Variants in ARHGAP25 observed in about 807,000 individuals in gnomAD.
ARHGAP25 encodes the protein Rho GTPase activating protein 25, also known as rho GTPase-activating protein 25.
Under a neutral mutation model 71.0 loss-of-function variants are expected in ARHGAP25, and 34 were observed. That is an observed-to-expected ratio of 0.48 (90% CI 0.36 to 0.64). ARHGAP25 has a LOEUF of 0.64. ARHGAP25 is among the 30% of genes least tolerant of loss of function. The pLI, the probability that ARHGAP25 is intolerant of heterozygous loss-of-function variation, is 0.00. For missense variants in ARHGAP25, 706 were observed against 805.1 expected (o/e 0.88, Z 1.49); for synonymous variants, 282 against 296.5 (o/e 0.95, Z 0.50).
intron 4 of ARHGAP25, among the ~76,000 whole-genome samples, chr2:68,804,673 A>G (rs1248088675): frequency 2.6e-5 from 4 of 152,240 alleles, no homozygotes; most frequent in African/African-American, 9.6e-5. Flanking sequence ...CATTCCATGG[A>G]ACCTGGTGCT....
chr2:68,715,800 A>T (rs1489658838), intron 2 of ARHGAP25, among the ~76,000 whole-genome samples: 1 of 152,154 alleles, frequency 6.6e-6, no homozygotes, highest in East Asian at 1.9e-4. Context: ...AGGCACCCGA[A>T]CACAGTTCCA....
At position 68,787,929 on chromosome 2, in the gene ARHGAP25, A is replaced by G. The variant is rs1319987029; in HGVS notation, c.439A>G (p.Arg147Gly). 2 of 1,614,062 alleles carry G rather than the reference A, an allele frequency of 1.2e-6. No individual in the cohort carries two copies. The highest frequency in any genetic ancestry group is 1.3e-5 in the African/African-American group (1 of 74,924). ...GATGGAGGAGTGGGTTAAATTCCTC[A>G]GGAGAGTTGCTGGCACACCCTGTGG... ...AEMEEWVKFLRRVAGTPCGAV... is the reference protein window; with the variant it reads ...AEMEEWVKFLGRVAGTPCGAV... The change falls in exon 4 of 11, where the codon AGG (arginine) becomes GGG (glycine). Residue 147 changes from arginine to glycine, a missense_variant. By Grantham distance (125) the Arg-to-Gly change is moderately radical. Transcript: ENST00000409202.
At chr2:68,784,217 C>T (rs1426575786) in intron 3 of ARHGAP25, among the ~76,000 whole-genome samples, 4 of 151,880 alleles carry the variant, frequency 2.6e-5, no homozygotes, top group African/African-American at 4.8e-5. Context: ...CACCACATCT[C>T]ATAAGGACAA....
intron 4 of ARHGAP25, among the ~76,000 whole-genome samples, chr2:68,806,040 C>T (rs1254122633): frequency 2.0e-5 from 3 of 152,160 alleles, no homozygotes; most frequent in Admixed American, 6.5e-5. Context: ...AGTTTCTCCA[C>T]GCAGACAGAG....
intron 3 of ARHGAP25, among the ~76,000 whole-genome samples, chr2:68,784,296 C>A (rs1325776121): frequency 6.6e-6 from 1 of 152,088 alleles, no homozygotes; most frequent in Non-Finnish European, 1.5e-5. Context: ...CAAGGTTCCA[C>A]CCAACCCTAA....
chr2:68,783,175 G>A (rs900612475), intron 3 of ARHGAP25, among the ~76,000 whole-genome samples: 2 of 152,168 alleles, frequency 1.3e-5, no homozygotes, highest in African/African-American at 4.8e-5. Flanking sequence ...CCCTGACCCT[G>A]GCACTTACTA....
intron 1 of ARHGAP25, 99 bp downstream of exon 1, chr2:68,735,359 A>T (rs1675158789): frequency 7.9e-7 from 1 of 1,266,990 alleles, no homozygotes; most frequent in Admixed American, 1.8e-5. Context: ...TTAAAAATGG[A>T]TCTCGCAGCA....
intron 2 of ARHGAP25, among the ~76,000 whole-genome samples, chr2:68,712,148 C>T (rs1379903968): frequency 1.3e-5 from 2 of 152,190 alleles, no homozygotes; most frequent in Admixed American, 1.3e-4. Flanking sequence ...AAAAGCATTC[C>T]TATTTCTCCA....
Position 68,735,114 on chromosome 2 carries a change from CAG to C in ARHGAP25, c.-83_-82del. 1 of 1,165,918 alleles carries C rather than the reference CAG, an allele frequency of 8.6e-7. No homozygotes were observed. The highest frequency in any genetic ancestry group is 1.2e-5 in the South Asian group (1 of 81,954). 72.2% of individuals were successfully genotyped at this position (1,165,918 alleles called of 1,614,324 possible). A position where few individuals can be genotyped will look rare whatever the true frequency, so the allele number is the denominator to read the frequency against. ...GGAGGAACAAAAACAGACACAAAAA[CAG>C]AGGGAAAGAGTGAAAAGACAAGAAG... is the stretch of plus-strand genomic sequence containing the variant. On this transcript the variant is annotated 5_prime_UTR_variant, in exon 1 of 11. An upstream open reading frame in the 5' UTR loses its in-frame stop. Coordinates refer to ENST00000409202, the MANE Select transcript of ARHGAP25 (RefSeq NM_001007231.3).
intron 4 of ARHGAP25, among the ~76,000 whole-genome samples, chr2:68,788,288 T>C (rs1678900552): frequency 6.6e-6 from 1 of 152,156 alleles, no homozygotes; most frequent in Non-Finnish European, 1.5e-5. Context: ...ATCTGTAAAA[T>C]GAATGGGTTG....
intron 1 of ARHGAP25, among the ~76,000 whole-genome samples, chr2:68,769,021 C>G (rs1383087171): frequency 6.6e-6 from 1 of 152,168 alleles, no homozygotes; most frequent in Non-Finnish European, 1.5e-5. Flanking sequence ...CAGAGCCACT[C>G]AAACCCCAGA....
chr2:68,788,146 C>A (rs1678889332), intron 4 of ARHGAP25, among the ~76,000 whole-genome samples, 190 bp downstream of exon 4: 1 of 152,140 alleles, frequency 6.6e-6, no homozygotes, highest in Non-Finnish European at 1.5e-5. Flanking sequence ...AGCTTCCCAC[C>A]CCCTGCGGCA....
chr2:68,717,832 A>G (rs1674650934), intron 2 of ARHGAP25, among the ~76,000 whole-genome samples: 1 of 152,200 alleles, frequency 6.6e-6, no homozygotes, highest in South Asian at 2.1e-4. Flanking sequence ...ATGTGAATTG[A>G]CATATTTTTG....
intron 10 of ARHGAP25, among the ~76,000 whole-genome samples, chr2:68,824,615 G>C: frequency 6.6e-6 from 1 of 152,158 alleles, no homozygotes; most frequent in East Asian, 1.9e-4. Context: ...GATGGTGGGT[G>C]CCTGTAGTCC....
intron 5 of ARHGAP25, among the ~76,000 whole-genome samples, chr2:68,811,001 C>T (rs1258764397): frequency 2.6e-5 from 4 of 152,152 alleles, no homozygotes; most frequent in Admixed American, 6.5e-5. Context: ...CTTGGCCTCC[C>T]GAAGTGCTGG....
At chr2:68,722,275 T>C (rs1674779866) in intron 2 of ARHGAP25, among the ~76,000 whole-genome samples, 1 of 152,246 alleles carries the variant, frequency 6.6e-6, no homozygotes, top group Non-Finnish European at 1.5e-5. Flanking sequence ...AATTATTTTC[T>C]TCTCTTTATT....
At chr2:68,799,579 G>T (rs1390500190) in intron 4 of ARHGAP25, among the ~76,000 whole-genome samples, 1 of 152,056 alleles carries the variant, frequency 6.6e-6, no homozygotes, top group East Asian at 1.9e-4. Flanking sequence ...TCCCGCGTGG[G>T]ATTTTTTTTA....
intron 2 of ARHGAP25, among the ~76,000 whole-genome samples, chr2:68,727,257 C>T (rs1321407488): frequency 6.6e-6 from 1 of 152,214 alleles, no homozygotes; most frequent in African/African-American, 2.4e-5. Flanking sequence ...CTCACGGCCA[C>T]AAAGAAATGT....
chr2:68,775,273 G>C lies in ARHGAP25; in HGVS notation c.114G>C (p.Ser38=), dbSNP rs754607856. ...TGEQMAAFHP[S]STPNPLERPI... is the part of the protein sequence containing the mutation. Reference sequence around the variant, plus strand: ...AGCAGATGGCTGCCTTCCATCCATCGTCCACCCCCAACCCGCTGGAGAGGC... The same window carrying C: ...AGCAGATGGCTGCCTTCCATCCATCCTCCACCCCCAACCCGCTGGAGAGGC... Residue 38 remains serine (S), a synonymous_variant, in exon 2 of 11, where the codon TCG becomes TCC. Transcript: ENST00000409202. The C allele has an allele frequency of 1.9e-6, 3 of 1,614,102 alleles. No individual in the cohort carries two copies. The highest frequency in any genetic ancestry group is 1.7e-6 in the Non-Finnish European group (2 of 1,180,058).
Sources: gnomAD v4.1 joint callset for allele counts (sites outside exome capture counted in the v4.1 genomes callset) on GRCh38, gnomAD v4.1.1 for gene constraint, MANE v1.5 for transcripts, NCBI Gene and HGNC (gene_info 2026-07-23, HGNC 2026-07-21) for gene names.